Variants in PDCD11 observed in about 807,000 individuals in gnomAD.
PDCD11 encodes the protein programmed cell death 11.
Under a neutral mutation model 198.9 loss-of-function variants are expected in PDCD11, and 97 were observed. The observed-to-expected ratio is 0.49, with a 90% CI of 0.41 to 0.58. PDCD11 has a LOEUF of 0.58. PDCD11 is among the 20% of genes least tolerant of loss of function. The pLI is 0.00. For synonymous variants in PDCD11, 893 were observed against 918.0 expected (o/e 0.97, Z 0.49); for missense variants, 2,102 against 2,312.7 (o/e 0.91, Z 1.87).
At chr10:103,437,782 C>G (rs2032212114) in intron 25 of PDCD11, among the ~76,000 whole-genome samples, 1 of 152,174 alleles carries the variant, frequency 6.6e-6, no homozygotes, top group Non-Finnish European at 1.5e-5. Flanking sequence ...GCCACCGTGC[C>G]CAGCCCGGTA....
In PDCD11 at chr10:103,400,388, C is replaced by T. The variant is rs541899858; in HGVS notation, c.103-9C>T. 19 of 1,607,802 alleles carry T rather than the reference C, an allele frequency of 1.2e-5. No homozygotes were observed. Among genetic ancestry groups the T allele is most frequent in the South Asian group, 6.7e-5 (6 of 89,572 alleles). ...TGGGTCTTTGTGGGCTCCCCCTACC[C>T]GCTTCTAGATTTCTACTGAAGAGGG... On this transcript the variant is annotated splice_polypyrimidine_tract_variant and intron_variant, in intron 2 of 35. Coordinates refer to ENST00000369797, the MANE Select transcript of PDCD11 (RefSeq NM_014976.2).
chr10:103,436,030 CTTT>C (rs912238769), intron 25 of PDCD11, among the ~76,000 whole-genome samples: 9 of 137,340 alleles, frequency 6.6e-5, no homozygotes, highest in Non-Finnish European at 4.8e-5. Context: ...TTGTTTTTTT[CTTT>C]TTTTTTTTTT....
intron 25 of PDCD11, among the ~76,000 whole-genome samples, chr10:103,436,344 T>G (rs1372946841): frequency 2.6e-5 from 4 of 152,222 alleles, no homozygotes; most frequent in Non-Finnish European, 5.9e-5. Flanking sequence ...TTAAGTGATC[T>G]GCCTGCCTTG....
intron 13 of PDCD11, among the ~76,000 whole-genome samples, chr10:103,416,991 A>G (rs971087935): frequency 6.6e-6 from 1 of 152,210 alleles, no homozygotes. Context: ...TACTTGTAAT[A>G]AACCTGTGCC....
intron 4 of PDCD11, 73 bp downstream of exon 4, chr10:103,403,358 C>T: frequency 7.0e-7 from 1 of 1,425,890 alleles, no homozygotes; most frequent in Non-Finnish European, 9.7e-7. Flanking sequence ...TACAACTTTG[C>T]CAGGTGCTAA....
At chr10:103,430,115 C>T (rs1009465260) in intron 21 of PDCD11, among the ~76,000 whole-genome samples, 1 of 152,118 alleles carries the variant, frequency 6.6e-6, no homozygotes, top group African/African-American at 2.4e-5. Flanking sequence ...CTCAGTCCCC[C>T]GAGTAGCTGG....
intron 1 of PDCD11, among the ~76,000 whole-genome samples, chr10:103,396,965 G>C (rs987229919): frequency 6.6e-6 from 1 of 152,030 alleles, no homozygotes; most frequent in African/African-American, 2.4e-5. Context: ...GTTTCCCCTT[G>C]CTTGAAAGGA....
chr10:103,442,214 TA>T lies in PDCD11; in HGVS notation c.4712del (p.Lys1571ArgfsTer25). 1 of 1,613,632 alleles carries T rather than the reference TA, an allele frequency of 6.2e-7. No homozygotes were observed. The highest frequency in any genetic ancestry group is 1.1e-5 in the South Asian group (1 of 91,048). Reference protein sequence around the residue: ...EEDEKPHQATIKKSKKERELE... With the variant: ...EEDEKPHQATXKKSKKERELE... The stretch of plus-strand genomic sequence containing the variant: ...CGGTGTTTCTGCTTTCCATAGCAGA[TA>T]AAGAAAAGCAAGAAAGAAAGGGAGT... On this transcript the variant is annotated frameshift_variant and splice_region_variant, in exon 32 of 36. Transcript: ENST00000369797. LOFTEE classifies it high-confidence loss of function.
intron 4 of PDCD11, among the ~76,000 whole-genome samples, chr10:103,403,981 G>C (rs2030282317): frequency 6.6e-6 from 1 of 152,172 alleles, no homozygotes; most frequent in Non-Finnish European, 1.5e-5. Flanking sequence ...TGGATTGGGA[G>C]AGATGATCAT....
intron 1 of PDCD11, among the ~76,000 whole-genome samples, chr10:103,397,013 A>G (rs2093439634): frequency 6.6e-6 from 1 of 151,852 alleles, no homozygotes; most frequent in African/African-American, 2.4e-5. Context: ...AGACCCCCCA[A>G]ACTTTCCTGT....
At position 103,445,918 on chromosome 10, in the gene PDCD11, A is replaced by G. The variant is rs2032589500; in HGVS notation, c.*369A>G. ...GTCAGGGTCCTGCTTTGTCCCTGGCAGGCTGTCAGTCCAGCTGGAGGGGGT... is the reference window on the plus strand; with the variant it reads ...GTCAGGGTCCTGCTTTGTCCCTGGCGGGCTGTCAGTCCAGCTGGAGGGGGT... On this transcript the variant is annotated 3_prime_UTR_variant, in exon 36 of 36. Coordinates refer to ENST00000369797, the MANE Select transcript of PDCD11 (RefSeq NM_014976.2). The G allele has an allele frequency of 5.1e-6, 1 of 196,970 alleles. No homozygotes were observed. The highest frequency in any genetic ancestry group is 1.1e-5 in the Non-Finnish European group (1 of 94,764). The allele number at this position is 196,970 out of a possible 1,614,324, so 12.2% of individuals were successfully genotyped here.
Position 103,397,211 on chromosome 10 carries a change from C to CTTTTT in PDCD11, c.-12+496_-12+500dup, listed in dbSNP as rs11316851. On this transcript the variant is annotated intron_variant, in intron 1 of 35. Transcript: ENST00000369797. The stretch of plus-strand genomic sequence containing the variant: ...TTCTCTGCTGTACTGCATTTGAATC[C>CTTTTT]TTTTTTTTTTTTTTTTTTTCTGTCA... Among the ~76,000 whole-genome samples, 4 of 124,834 alleles carry CTTTTT rather than the reference C, an allele frequency of 3.2e-5. 1 individual carries two copies. The highest frequency in any genetic ancestry group is 5.0e-5 in the Non-Finnish European group (3 of 59,662). 81.9% of individuals were successfully genotyped at this position (124,834 alleles called of 152,430 possible).
At chr10:103,401,897 C>T (rs1185057078) in intron 3 of PDCD11, among the ~76,000 whole-genome samples, 2 of 152,132 alleles carry the variant, frequency 1.3e-5, no homozygotes, top group Non-Finnish European at 2.9e-5. Flanking sequence ...CGCCCGCCAC[C>T]ACGCCCAGCT....
intron 6 of PDCD11, 63 bp downstream of exon 6, chr10:103,406,171 A>T: frequency 6.3e-7 from 1 of 1,579,330 alleles, no homozygotes; most frequent in South Asian, 1.1e-5. Context: ...ATTATATTTA[A>T]GTGCCATTTT....
rs187381053 is a variant in PDCD11 at position 103,437,597 on chromosome 10, C to T, written c.3846-418C>T. Among the ~76,000 whole-genome samples the T allele has an allele frequency of 3.5e-3, 539 of 152,244 alleles. 19 individuals carry two copies. In the East Asian group the frequency reaches 0.064, roughly 18 times the overall value. On this transcript the variant is annotated intron_variant, in intron 25 of 35. Transcript: ENST00000369797. ...CTGCCTCCTGGGTTCACGCCATTCT[C>T]CTGCCTCAACCTCCCCAGTAGTTGG...
At position 103,427,319 on chromosome 10, in the gene PDCD11, G is replaced by C. The variant is rs113279443; in HGVS notation, c.3306-10G>C. ...TGAAGAGAAATGATTCAGCTTATTT[G>C]TTTCTCCAGGTATCTCCCAATAAGT... On this transcript the variant is annotated splice_polypyrimidine_tract_variant and intron_variant, in intron 20 of 35. Coordinates refer to ENST00000369797, the MANE Select transcript of PDCD11 (RefSeq NM_014976.2). 3.4e-4 allele frequency: 548 copies of C among 1,611,288 alleles called. 3 individuals carry two copies. The African/African-American group carries it at 4.6e-3, about 14-fold the overall frequency.
intron 25 of PDCD11, among the ~76,000 whole-genome samples, chr10:103,435,486 CAG>C (rs891815934): frequency 3.3e-5 from 5 of 150,802 alleles, no homozygotes; most frequent in East Asian, 3.9e-4. Context: ...TGGCGTGAGA[CAG>C]AGTCTGGAGT....
chr10:103,405,315 G>A, intron 5 of PDCD11, 132 bp downstream of exon 5: 1 of 790,346 alleles, frequency 1.3e-6, no homozygotes, highest in Non-Finnish European at 2.0e-6. Context: ...CTGGAAGGAA[G>A]GTCTCTTGGG....
chr10:103,440,609 C>T lies in PDCD11; in HGVS notation c.4440+28C>T, dbSNP rs747136158. ...GAGGTCCTGCGGAGGGCTGTGGCTG[C>T]CTATCCTCCTCCTGGAGGGACAGCC... On this transcript the variant is annotated intron_variant, in intron 29 of 35. Transcript: ENST00000369797. The T allele has an allele frequency of 4.5e-5, 72 of 1,608,426 alleles. No individual in the cohort carries two copies. The South Asian group carries it at 7.6e-4, about 17-fold the overall frequency.
Sources: gnomAD v4.1 joint callset for allele counts (sites outside exome capture counted in the v4.1 genomes callset) on GRCh38, gnomAD v4.1.1 for gene constraint, MANE v1.5 for transcripts, NCBI Gene and HGNC (gene_info 2026-07-23, HGNC 2026-07-21) for gene names.